Variants in KSR2 observed in about 807,000 individuals in gnomAD.
KSR2 encodes the protein kinase suppressor of ras 2.
KSR2 carries 25 observed loss-of-function variants against 107.8 expected under a neutral mutation model. The ratio of observed to expected loss-of-function variants is 0.23; its 90% CI spans 0.17 to 0.32. The LOEUF (loss-of-function observed/expected upper bound fraction) is 0.32. Among genes scored for constraint, KSR2 ranks in the 10% least tolerant of loss-of-function variants. KSR2 has a pLI of 1.00. For missense variants in KSR2, 887 were observed against 1,268.9 expected, an observed-to-expected ratio of 0.70 and a Z score of 4.57; for synonymous variants, 480 against 507.0, an observed-to-expected ratio of 0.95 and a Z score of 0.71.
intron 10 of KSR2, among the ~76,000 whole-genome samples, chr12:117,534,661 G>A (rs548850822): frequency 1.3e-5 from 2 of 152,156 alleles, no homozygotes; most frequent in South Asian, 2.1e-4. Context: ...CTAATCCCTG[G>A]AAACTGTGAA....
intron 3 of KSR2, among the ~76,000 whole-genome samples, chr12:117,768,932 A>T (rs1413777651): frequency 6.6e-6 from 1 of 152,198 alleles, no homozygotes; most frequent in Non-Finnish European, 1.5e-5. Flanking sequence ...CATAACCAGG[A>T]CATTAAGTCC....
chr12:117,746,736 GA>G (rs71410057), intron 4 of KSR2, among the ~76,000 whole-genome samples: 3 of 146,412 alleles, frequency 2.0e-5, no homozygotes, highest in East Asian at 2.0e-4. Flanking sequence ...AAATTTACAA[GA>G]AAAAAAAACC....
At chr12:117,594,168 C>T (rs916545539) in intron 5 of KSR2, among the ~76,000 whole-genome samples, 7 of 152,176 alleles carry the variant, frequency 4.6e-5, no homozygotes, top group South Asian at 2.1e-4. Flanking sequence ...TAATGTTCAG[C>T]GGAAGTTAAT....
chr12:117,683,451 G>A (rs546816821), intron 4 of KSR2, among the ~76,000 whole-genome samples: 1 of 152,040 alleles, frequency 6.6e-6, no homozygotes, highest in Non-Finnish European at 1.5e-5. Context: ...CTTGGATTTA[G>A]TTGGCAAAAA....
chr12:117,726,751 C>T (rs573160), intron 4 of KSR2, among the ~76,000 whole-genome samples: 108,911 of 152,104 alleles, frequency 0.72, 39,125 homozygotes, highest in Admixed American at 0.78. Context: ...CAGTTTCTTA[C>T]GAAGCTACAT....
At chr12:117,730,700 G>T (rs1157917042) in intron 4 of KSR2, among the ~76,000 whole-genome samples, 1 of 152,236 alleles carries the variant, frequency 6.6e-6, no homozygotes, top group African/African-American at 2.4e-5. Context: ...GGTGGAGACG[G>T]GGTTTCGCTG....
chr12:117,752,982 T>C (rs371540496), intron 4 of KSR2, among the ~76,000 whole-genome samples: 4 of 152,186 alleles, frequency 2.6e-5, no homozygotes, highest in Admixed American at 6.5e-5. Context: ...CCAGAATCCC[T>C]GAGATCATTC....
intron 19 of KSR2, chr12:117,467,839 A>AG (rs2137108356): frequency 2.2e-6 from 1 of 451,776 alleles, no homozygotes; most frequent in East Asian, 7.0e-5. Flanking sequence ...AATAAAAAAA[A>AG]AAAATGAATG....
intron 1 of KSR2, among the ~76,000 whole-genome samples, chr12:117,944,668 C>T (rs1322719651): frequency 6.6e-6 from 1 of 151,914 alleles, no homozygotes; most frequent in Admixed American, 6.6e-5. Flanking sequence ...CCAGCCTGGG[C>T]AACAAAGCAA....
At chr12:117,505,576 G>A (rs148470036) in intron 14 of KSR2, among the ~76,000 whole-genome samples, 85 of 152,270 alleles carry the variant, frequency 5.6e-4, no homozygotes, top group East Asian at 3.7e-3. Flanking sequence ...ATCCAATAGC[G>A]TAAAGTATGT....
chr12:117,917,708 G>A (rs1262591103), intron 1 of KSR2, among the ~76,000 whole-genome samples: 2 of 152,044 alleles, frequency 1.3e-5, no homozygotes, highest in African/African-American at 4.8e-5. Flanking sequence ...CGCACCCACG[G>A]ATGAATATAT....
intron 3 of KSR2, among the ~76,000 whole-genome samples, chr12:117,777,498 T>C (rs912363706): frequency 1.3e-5 from 2 of 152,218 alleles, no homozygotes; most frequent in African/African-American, 4.8e-5. Context: ...TCAGGGGTTG[T>C]GCACATCAGG....
At chr12:117,818,294 T>C (rs1210911456) in intron 3 of KSR2, among the ~76,000 whole-genome samples, 1 of 151,954 alleles carries the variant, frequency 6.6e-6, no homozygotes, top group African/African-American at 2.4e-5. Flanking sequence ...ACCTGGGAAA[T>C]GGGAACCTTA....
chr12:117,715,745 CT>C (rs1260716561), intron 4 of KSR2, among the ~76,000 whole-genome samples: 1 of 152,186 alleles, frequency 6.6e-6, no homozygotes, highest in Admixed American at 6.5e-5. Flanking sequence ...ATCCTTCTGC[CT>C]GTCCATAACT....
intron 5 of KSR2, among the ~76,000 whole-genome samples, chr12:117,628,340 TACC>T (rs896867808): frequency 6.6e-6 from 1 of 152,250 alleles, no homozygotes; most frequent in Non-Finnish European, 1.5e-5. Flanking sequence ...TGGTTTTATC[TACC>T]TTTGGTCTTT....
intron 5 of KSR2, among the ~76,000 whole-genome samples, chr12:117,649,815 T>C (rs1210367386): frequency 2.0e-5 from 3 of 152,138 alleles, no homozygotes; most frequent in Non-Finnish European, 4.4e-5. Context: ...CACTGGGGAA[T>C]ACAGCCCAAC....
intron 5 of KSR2, among the ~76,000 whole-genome samples, chr12:117,597,241 C>T (rs1880700959): frequency 6.6e-6 from 1 of 152,154 alleles, no homozygotes; most frequent in African/African-American, 2.4e-5. Context: ...GCCCCAGCCC[C>T]GCCAAAGATT....
chr12:117,504,131 G>A (rs960021083), intron 14 of KSR2, among the ~76,000 whole-genome samples: 1 of 152,202 alleles, frequency 6.6e-6, no homozygotes, highest in Non-Finnish European at 1.5e-5. Context: ...CTCTAGGGCT[G>A]TGACCTCACC....
chr12:117,531,496 C>T (rs947816939), intron 11 of KSR2, among the ~76,000 whole-genome samples, 170 bp downstream of exon 11: 8 of 152,132 alleles, frequency 5.3e-5, no homozygotes, highest in Non-Finnish European at 8.8e-5. Flanking sequence ...ACTGTGCCCA[C>T]TCTTTCTTCT....
Sources: gnomAD v4.1 joint callset for allele counts (sites outside exome capture counted in the v4.1 genomes callset) on GRCh38, gnomAD v4.1.1 for gene constraint, MANE v1.5 for transcripts, NCBI Gene and HGNC (gene_info 2026-07-23, HGNC 2026-07-21) for gene names.